The following RPN2 variants were observed in gnomAD, a reference collection of about 807,000 sequenced individuals.
RPN2 encodes the protein ribophorin II.
In RPN2, 29 loss-of-function variants were observed where a neutral mutation model predicts 71.4. The ratio of observed to expected loss-of-function variants is 0.41; its 90% CI spans 0.30 to 0.55. The LOEUF is 0.55. Ranked by LOEUF, RPN2 falls within the 20% of genes least tolerant of loss-of-function variation. The pLI is 0.35. For missense variants in RPN2, 726 were observed against 774.1 expected (o/e 0.94, Z 0.74); for synonymous variants, 308 against 305.0 (o/e 1.01, Z -0.10).
At chr20:37,220,584 A>G (rs2067929555) in intron 9 of RPN2, among the ~76,000 whole-genome samples, 1 of 152,214 alleles carries the variant, frequency 6.6e-6, no homozygotes, top group Non-Finnish European at 1.5e-5. Flanking sequence ...GTGCAGGCAA[A>G]GAAAGGAATA....
intron 9 of RPN2, 93 bp from the exon 10 acceptor site, chr20:37,223,785 C>A: frequency 9.8e-7 from 1 of 1,018,968 alleles, no homozygotes; most frequent in Non-Finnish European, 1.5e-6. Context: ...CATGCCTTTA[C>A]TCACCTTAAA....
intron 2 of RPN2, among the ~76,000 whole-genome samples, chr20:37,184,779 G>T (rs965759914): frequency 1.3e-5 from 2 of 152,174 alleles, no homozygotes; most frequent in Non-Finnish European, 2.9e-5. Context: ...GCAACAGTGT[G>T]AGACTCAGTC....
intron 16 of RPN2, chr20:37,238,350 T>C: frequency 7.1e-7 from 1 of 1,413,920 alleles, no homozygotes; most frequent in Non-Finnish European, 9.9e-7. Flanking sequence ...CCTCAGCTGA[T>C]TTCTCCCCTC....
intron 13 of RPN2, among the ~76,000 whole-genome samples, chr20:37,231,362 GAAAAAAC>G (rs1357718372): frequency 5.3e-5 from 8 of 150,842 alleles, no homozygotes; most frequent in South Asian, 2.1e-4. Context: ...AATTGCTCAG[GAAAAAAC>G]AAAAAACAAA....
intron 11 of RPN2, among the ~76,000 whole-genome samples, chr20:37,226,048 A>G (rs908336796): frequency 3.3e-5 from 5 of 152,076 alleles, no homozygotes; most frequent in African/African-American, 1.2e-4. Flanking sequence ...TACTTAAGGC[A>G]GATTTGCACT....
In RPN2 at chr20:37,191,376, C is replaced by CCA. The variant is rs1568964539; in HGVS notation, c.207+7003_207+7004insCA. Among the ~76,000 whole-genome samples the CCA allele has an allele frequency of 3.4e-5, 5 of 147,730 alleles. No homozygotes were observed. The East Asian group carries it at 1.0e-3, about 30-fold the overall frequency. ...CTGTAATCCCAGCTACTCGGGAGGCCGAGGCAGGAGAATTGCTTGAACCCA... is the reference window on the plus strand; with the variant it reads ...CTGTAATCCCAGCTACTCGGGAGGCCCAGAGGCAGGAGAATTGCTTGAACCCA... On this transcript the variant is annotated intron_variant, in intron 2 of 16. Transcript: ENST00000237530.
intron 9 of RPN2, among the ~76,000 whole-genome samples, chr20:37,218,586 T>C (rs1378863125): frequency 6.6e-6 from 1 of 151,962 alleles, no homozygotes; most frequent in Non-Finnish European, 1.5e-5. Context: ...CAATCCAGTG[T>C]TTTTAGTATT....
At chr20:37,229,924 A>T (rs1244763550) in intron 12 of RPN2, 49 bp from the exon 13 acceptor site, 2 of 1,363,720 alleles carry the variant, frequency 1.5e-6, no homozygotes, top group Non-Finnish European at 2.1e-6. Flanking sequence ...ATTGAGTTTC[A>T]CCCACTTCTC....
At chr20:37,188,974 T>A (rs1342681908) in intron 2 of RPN2, among the ~76,000 whole-genome samples, 1 of 151,570 alleles carries the variant, frequency 6.6e-6, no homozygotes, top group African/African-American at 2.4e-5. Context: ...CTTACTGTCA[T>A]CCGGGCTGGA....
At chr20:37,188,154 T>C (rs896432206) in intron 2 of RPN2, among the ~76,000 whole-genome samples, 6 of 152,174 alleles carry the variant, frequency 3.9e-5, no homozygotes, top group Admixed American at 2.6e-4. Flanking sequence ...TCTGCTATCA[T>C]TGTCATACTT....
At chr20:37,236,787 A>G in intron 16 of RPN2, 78 bp downstream of exon 16, 1 of 1,457,948 alleles carries the variant, frequency 6.9e-7, no homozygotes, top group Non-Finnish European at 9.6e-7. Flanking sequence ...TTTGAAGGGT[A>G]GGTGGCAAAA....
chr20:37,202,100 G>T (rs2067402824), intron 4 of RPN2, among the ~76,000 whole-genome samples: 1 of 152,212 alleles, frequency 6.6e-6, no homozygotes, highest in African/African-American at 2.4e-5. Flanking sequence ...TAAAACTTCT[G>T]AGGTTGTTAC....
intron 11 of RPN2, among the ~76,000 whole-genome samples, chr20:37,226,709 A>C (rs539568620): frequency 4.5e-4 from 68 of 152,246 alleles, no homozygotes; most frequent in Non-Finnish European, 7.5e-4. Context: ...GAGTAATGAA[A>C]ATTATTATTT....
chr20:37,224,415 TG>T (rs890210822), intron 10 of RPN2, among the ~76,000 whole-genome samples: 3 of 152,192 alleles, frequency 2.0e-5, no homozygotes, highest in African/African-American at 7.2e-5. Context: ...CAAGTCTCTC[TG>T]GCCTATGATG....
In RPN2 at chr20:37,213,842, C is replaced by T. The variant is rs150783450; in HGVS notation, c.1069C>T (p.Arg357Trp). The change falls in exon 9 of 17, where the codon CGG becomes TGG. Residue 357 changes from arginine to tryptophan, a missense_variant. Coordinates refer to ENST00000237530, the MANE Select transcript of RPN2 (RefSeq NM_002951.5). Reference sequence around the variant, plus strand: ...CCTTGTCGAAGTTGAAGGTGACAACCGGTATATTGCAAATACCGTAGAGGT... The same window carrying T: ...CCTTGTCGAAGTTGAAGGTGACAACTGGTATATTGCAAATACCGTAGAGGT... ...DFLVEVEGDN[R>W]YIANTVELRV... 52 of 1,613,326 alleles carry T rather than the reference C, an allele frequency of 3.2e-5. No homozygotes were observed. The highest frequency in any genetic ancestry group is 3.8e-5 in the Non-Finnish European group (45 of 1,179,416).
Position 37,204,749 on chromosome 20 carries a change from T to G in RPN2, c.556-18T>G. 1 of 1,614,170 alleles carries G rather than the reference T, an allele frequency of 6.2e-7. No homozygotes were observed. ...GCTGTTACTTGACATCCAGCATATT[T>G]CTGTTTTGTTATGGCAGGACCTTGT... On this transcript the variant is annotated intron_variant, in intron 5 of 16. Transcript: ENST00000237530.
At chr20:37,211,827 T>C (rs1360918941) in intron 8 of RPN2, among the ~76,000 whole-genome samples, 1 of 151,950 alleles carries the variant, frequency 6.6e-6, no homozygotes, top group Non-Finnish European at 1.5e-5. Context: ...AATCTCCACC[T>C]CCCAGCTTCA....
intron 1 of RPN2, 133 bp downstream of exon 1, chr20:37,179,502 C>G (rs1226202226): frequency 7.7e-7 from 1 of 1,298,920 alleles, no homozygotes; most frequent in South Asian, 1.9e-5. Context: ...CTGGCTGGGG[C>G]GCTCTCGGAT....
intron 16 of RPN2, among the ~76,000 whole-genome samples, chr20:37,237,869 C>T (rs1170056341): frequency 6.6e-6 from 1 of 152,140 alleles, no homozygotes; most frequent in Non-Finnish European, 1.5e-5. Context: ...CTGCTAAGTT[C>T]TCTCTTTTCT....
Sources: gnomAD v4.1 joint callset for allele counts (sites outside exome capture counted in the v4.1 genomes callset) on GRCh38, gnomAD v4.1.1 for gene constraint, MANE v1.5 for transcripts, NCBI Gene and HGNC (gene_info 2026-07-23, HGNC 2026-07-21) for gene names.